ZYX: variants seen among roughly 807,000 people sequenced by gnomAD.
The protein encoded by ZYX is zyxin.
In ZYX, 37 loss-of-function variants were observed where a neutral mutation model predicts 58.1. That is an observed-to-expected ratio of 0.64 (90% CI 0.49 to 0.84). ZYX has a LOEUF of 0.84. ZYX is among the 40% of genes least tolerant of loss of function. ZYX has a pLI of 0.00. For missense variants in ZYX, 762 were observed against 761.6 expected (o/e 1.00, Z -0.01); for synonymous variants, 324 against 321.1 (o/e 1.01, Z -0.10).
chr7:143,389,036 C>A lies in ZYX; in HGVS notation c.1493+91C>A. 1 of 1,439,800 alleles carries A rather than the reference C, an allele frequency of 6.9e-7. No individual in the cohort carries two copies. The highest frequency in any genetic ancestry group is 9.3e-7 in the Non-Finnish European group (1 of 1,069,944). 89.2% of individuals were successfully genotyped at this position (1,439,800 alleles called of 1,614,324 possible). ...ACCCTAGCCTCAGGACAGCCCCAAA[C>A]CCCTGGTGGTGTTTTCTGGTCCCAT... On this transcript the variant is annotated intron_variant, in intron 8 of 9. Transcript: ENST00000322764. The surrounding 1 kb of genome is among the most constrained non-coding windows in gnomAD (Gnocchi z 5.6).
intron 2 of ZYX, 73 bp from the exon 3 acceptor site, chr7:143,382,175 A>C: frequency 7.8e-7 from 1 of 1,288,632 alleles, no homozygotes; most frequent in Non-Finnish European, 1.1e-6. Context: ...TAGGGGTTAG[A>C]GCGGTTAACT....
rs368708239 is a variant in ZYX at position 143,383,055 on chromosome 7, C to A, written c.756C>A (p.Pro252=). The change falls in exon 5 of 10, where the codon CCC becomes CCA. Residue 252 remains proline (P), a synonymous_variant. Coordinates refer to ENST00000322764, the MANE Select transcript of ZYX (RefSeq NM_003461.5). ...TQPVSLANTQ[P]RGPPASSPAP... Reference sequence around the variant, plus strand: ...CTGTGTCTTTGGCTAACACCCAGCCCCGAGGGCCCCCAGCCTCATCTCCGG... The same window carrying A: ...CTGTGTCTTTGGCTAACACCCAGCCACGAGGGCCCCCAGCCTCATCTCCGG... 2.5e-6 allele frequency: 4 copies of A among 1,614,180 alleles called. No individual in the cohort carries two copies. The highest frequency in any genetic ancestry group is 2.5e-6 in the Non-Finnish European group (3 of 1,180,024).
rs1241512199 is a variant in ZYX at position 143,381,716 on chromosome 7, G to A, written c.145G>A (p.Ala49Thr). The A allele has an allele frequency of 1.2e-6, 2 of 1,601,938 alleles. No homozygotes were observed. The highest frequency in any genetic ancestry group is 1.3e-5 in the African/African-American group (1 of 74,476). ...FRPGDSEPPP[A>T]PGAQRAQMGR... The stretch of plus-strand genomic sequence containing the variant: ...GCCCGGGGACAGCGAGCCTCCCCCG[G>A]CACCCGGGGCCCAGCGCGCACAGAT... Residue 49 changes from alanine to threonine, a missense_variant, in exon 2 of 10, where the codon GCA (alanine) becomes ACA (threonine). Ala to Thr is a moderately conservative substitution (Grantham distance 58, BLOSUM62 0). Coordinates refer to ENST00000322764, the MANE Select transcript of ZYX (RefSeq NM_003461.5).
intron 5 of ZYX, among the ~76,000 whole-genome samples, chr7:143,385,585 CT>C (rs1308563840): frequency 2.1e-5 from 3 of 142,850 alleles, no homozygotes; most frequent in Non-Finnish European, 4.5e-5. Flanking sequence ...CACATACATA[CT>C]TTCTTACAAA....
At chr7:143,382,104 C>T (rs1193628146) in intron 2 of ZYX, 144 bp from the exon 3 acceptor site, 8 of 615,036 alleles carry the variant, frequency 1.3e-5, no homozygotes, top group South Asian at 2.6e-5. Flanking sequence ...ACTCCCAGGG[C>T]GCCCTGCGCC....
At chr7:143,385,727 T>G (rs1015171285) in intron 5 of ZYX, among the ~76,000 whole-genome samples, 1 of 121,890 alleles carries the variant, frequency 8.2e-6, no homozygotes, top group Non-Finnish European at 1.6e-5. Context: ...TACTACAACC[T>G]CCGCCCCCCT....
rs78283921 is a variant in ZYX, at chr7:143,389,796, C to T, written c.1494-61C>T. 1.3e-3 allele frequency: 2,122 copies of T among 1,599,184 alleles called. 48 individuals are homozygous for T. In the East Asian group the frequency reaches 0.039, roughly 30 times the overall value. On this transcript the variant is annotated intron_variant, in intron 8 of 9. Transcript: ENST00000322764. The surrounding 1 kb of genome is among the most constrained non-coding windows in gnomAD (Gnocchi z 5.6). ...TCCTTGCTGCCCAACCTGGCTTATG[C>T]GTGCGCACACCGGGGATGAAAGCCC...
chr7:143,384,551 G>A lies in ZYX; in HGVS notation c.1023+1229G>A, dbSNP rs1804787548. 6.6e-6 allele frequency among the ~76,000 whole-genome samples: 1 copy of A among 152,148 alleles called. No homozygotes were observed. Among genetic ancestry groups the A allele is most frequent in the South Asian group, 2.1e-4 (1 of 4,826 alleles). ...AGTGTTTTTGGAAGCTTTCTGGAAA[G>A]TTTCACCAGCAGAGATGTGTATTCG... On this transcript the variant is annotated intron_variant, in intron 5 of 9. Coordinates refer to ENST00000322764, the MANE Select transcript of ZYX (RefSeq NM_003461.5). The surrounding 1 kb of genome is among the most constrained non-coding windows in gnomAD (Gnocchi z 4.9).
intron 1 of ZYX, 59 bp downstream of exon 1, chr7:143,381,468 G>C: frequency 7.6e-7 from 1 of 1,311,462 alleles, no homozygotes; most frequent in South Asian, 2.2e-5. Flanking sequence ...GCGCCGGGAG[G>C]GGGCGAGTGG....
In ZYX at chr7:143,388,110, G is replaced by T; in HGVS notation, c.1024-109G>T. On this transcript the variant is annotated intron_variant, in intron 5 of 9. Transcript: ENST00000322764. The surrounding 1 kb of genome is among the most constrained non-coding windows in gnomAD (Gnocchi z 7.5). ...TTAAGGGTCAAGCCTGAGCATCTGG[G>T]ACACGAGCTGGGAGCTAAGCCTCAT... The T allele has an allele frequency of 7.4e-7, 1 of 1,355,548 alleles. No individual in the cohort carries two copies. The highest frequency in any genetic ancestry group is 1.0e-6 in the Non-Finnish European group (1 of 1,002,848). 84.0% of individuals were successfully genotyped at this position (1,355,548 alleles called of 1,614,324 possible). A position where few individuals can be genotyped will look rare whatever the true frequency, so the allele number is the denominator to read the frequency against.
Position 143,388,665 on chromosome 7 carries a change from CGGGCTGTGCT to C in ZYX, c.1314+32_1314+41del, listed in dbSNP as rs570358698. 8.6e-4 allele frequency: 1,385 copies of C among 1,612,716 alleles called. 9 individuals are homozygous for C. The highest frequency in any genetic ancestry group is 2.6e-3 in the African/African-American group (197 of 74,930). On this transcript the variant is annotated splice_region_variant and intron_variant, in intron 7 of 9. Coordinates refer to ENST00000322764, the MANE Select transcript of ZYX (RefSeq NM_003461.5). This position sits in a 1 kb window ranked among gnomAD's most constrained non-coding sequence, Gnocchi z 7.5. ...CTGCGAGGGCTGTTACACTGTGAGT[CGGGCTGTGCT>C]GGGCTGTGCTGGGCTGTGCTGGGCA...
At position 143,388,835 on chromosome 7, in the gene ZYX, G is replaced by C; in HGVS notation, c.1383G>C (p.Lys461Asn). 1.2e-6 allele frequency: 2 copies of C among 1,614,072 alleles called. No homozygotes were observed. The highest frequency in any genetic ancestry group is 1.7e-6 in the Non-Finnish European group (2 of 1,179,978). Residue 461 changes from lysine (K) to asparagine (N), a missense_variant, in exon 8 of 10, where the codon AAG becomes AAC. Physicochemically the swap from Lys to Asn is moderately conservative, Grantham distance 94. Coordinates refer to ENST00000322764, the MANE Select transcript of ZYX (RefSeq NM_003461.5). The surrounding 1 kb of genome is among the most constrained non-coding windows in gnomAD (Gnocchi z 7.5). ...ITDRMLRATG[K>N]AYHPHCFTCV... Reference sequence around the variant, plus strand: ...ACCGCATGCTGAGGGCCACGGGCAAGGCCTATCACCCGCACTGCTTCACCT... The same window carrying C: ...ACCGCATGCTGAGGGCCACGGGCAACGCCTATCACCCGCACTGCTTCACCT...
In ZYX at chr7:143,388,846, C is replaced by T. The variant is rs752776674; in HGVS notation, c.1394C>T (p.Pro465Leu). The change falls in exon 8 of 10, where the codon CCG becomes CTG. Residue 465 changes from proline to leucine, a missense_variant. Coordinates refer to ENST00000322764, the MANE Select transcript of ZYX (RefSeq NM_003461.5). The surrounding 1 kb of genome is among the most constrained non-coding windows in gnomAD (Gnocchi z 7.5). ...MLRATGKAYH[P>L]HCFTCVVCAR... ...AGGGCCACGGGCAAGGCCTATCACC[C>T]GCACTGCTTCACCTGTGTGGTCTGC... is the stretch of plus-strand genomic sequence containing the variant. 6.8e-6 allele frequency: 11 copies of T among 1,613,930 alleles called. No individual in the cohort carries two copies. The highest frequency in any genetic ancestry group is 1.7e-4 in the Middle Eastern group (1 of 6,050).
chr7:143,387,028 C>T lies in ZYX; in HGVS notation c.1024-1191C>T, dbSNP rs1287501731. ...CACTGGAGAGCAAGGACTGACTGAG[C>T]CCCTTCACTGTGTCCCCAAGAGGCC... is the stretch of plus-strand genomic sequence containing the variant. On this transcript the variant is annotated intron_variant, in intron 5 of 9. Transcript: ENST00000322764. This position sits in a 1 kb window ranked among gnomAD's most constrained non-coding sequence, Gnocchi z 5.8. 3.3e-5 allele frequency among the ~76,000 whole-genome samples: 5 copies of T among 152,180 alleles called. No individual in the cohort carries two copies.
At position 143,385,660 on chromosome 7, in the gene ZYX, C is replaced by CTTTTTTTTTTTTTTTTTTTTTTTTTTT. The variant is rs59995035; in HGVS notation, c.1023+2364_1023+2365insTTTTTTTTTTTTTTTTTTTTTTTTTTT. Among the ~76,000 whole-genome samples, 13 of 68,968 alleles carry CTTTTTTTTTTTTTTTTTTTTTTTTTTT rather than the reference C, an allele frequency of 1.9e-4. 1 individual carries two copies. Among genetic ancestry groups the CTTTTTTTTTTTTTTTTTTTTTTTTTTT allele is most frequent in the Admixed American group, 2.4e-4 (1 of 4,202 alleles). The allele number at this position is 68,968 out of a possible 152,430, so 45.2% of individuals were successfully genotyped here. A position where few individuals can be genotyped will look rare whatever the true frequency, so the allele number is the denominator to read the frequency against. On this transcript the variant is annotated intron_variant, in intron 5 of 9. Coordinates refer to ENST00000322764, the MANE Select transcript of ZYX (RefSeq NM_003461.5). ...TGTGTGAGCGTGTGGTGTGGTATAT[C>CTTTTTTTTTTTTTTTTTTTTTTTTTTT]TTTTTTTTTTTTTTTTTTTTTTTTT...
chr7:143,381,536 T>G, intron 1 of ZYX, 21 bp from the exon 2 acceptor site: 1 of 1,594,208 alleles, frequency 6.3e-7, no homozygotes, highest in Non-Finnish European at 8.5e-7. Context: ...CCGCGCTGCG[T>G]AACCCGGCGA....
chr7:143,383,470 G>C (rs1804738116), intron 5 of ZYX, 148 bp downstream of exon 5: 1 of 1,108,896 alleles, frequency 9.0e-7, no homozygotes, highest in African/African-American at 1.6e-5. Context: ...ATCCTCTGGG[G>C]TTAGCCTGGT....
At position 143,390,501 on chromosome 7, in the gene ZYX, A is replaced by C; in HGVS notation, c.1615-77A>C. On this transcript the variant is annotated intron_variant, in intron 9 of 9. Transcript: ENST00000322764. The surrounding 1 kb of genome is among the most constrained non-coding windows in gnomAD (Gnocchi z 4.3). ...AAGCATCTTTCTAATTCCAAGATGG[A>C]GCTGGATGGGGTGGGGTAGGGTGGA... The C allele has an allele frequency of 3.7e-6, 4 of 1,076,964 alleles. No individual in the cohort carries two copies. Among genetic ancestry groups the C allele is most frequent in the Admixed American group, 2.1e-5 (1 of 48,022 alleles). 66.7% of individuals were successfully genotyped at this position (1,076,964 alleles called of 1,614,324 possible).
chr7:143,385,994 A>G (rs1804849825), intron 5 of ZYX, among the ~76,000 whole-genome samples: 1 of 148,936 alleles, frequency 6.7e-6, no homozygotes, highest in African/African-American at 2.5e-5. Context: ...GTGGTATGGT[A>G]TATGTGTGAG....
Sources: allele counts gnomAD v4.1 joint callset (sites outside exome capture counted in the v4.1 genomes callset), GRCh38; gene constraint gnomAD v4.1.1; non-coding constraint Gnocchi (gnomAD v3.1); transcripts MANE v1.5; gene names NCBI Gene and HGNC (gene_info 2026-07-23, HGNC 2026-07-21).